C2orf76: variants seen among roughly 807,000 people sequenced by gnomAD.
C2orf76 encodes the protein chromosome 2 open reading frame 76.
A neutral mutation model predicts 16.9 loss-of-function variants in C2orf76; 23 were observed. The observed-to-expected ratio is 1.36, with a 90% confidence interval of 0.98 to 1.93. The LOEUF (loss-of-function observed/expected upper bound fraction) is 1.93. C2orf76 is among the 30% of genes most tolerant of loss of function. The pLI, the probability that C2orf76 is intolerant of heterozygous loss-of-function variation, is 0.00. For missense variants in C2orf76, 152 were observed against 152.6 expected (o/e 1.00, Z 0.02); for synonymous variants, 48 against 52.3 (o/e 0.92, Z 0.35).
chr2:119,357,936 C>G lies in C2orf76; in HGVS notation c.-13+8854G>C, dbSNP rs142109563. On this transcript the variant is annotated intron_variant, in intron 1 of 5. Coordinates refer to ENST00000334816, the MANE Select transcript of C2orf76 (RefSeq NM_001322331.2). ...AACCAACTATATTTCCAAATAGTAG[C>G]AATGAACACATGGAACACAATATAC... Among the ~76,000 whole-genome samples, 228 of 152,300 alleles carry G rather than the reference C, an allele frequency of 1.5e-3. 1 individual carries two copies. Among genetic ancestry groups the G allele is most frequent in the Middle Eastern group, 0.01 (3 of 294 alleles).
intron 3 of C2orf76, among the ~76,000 whole-genome samples, chr2:119,318,804 C>A (rs930757467): frequency 6.6e-5 from 10 of 152,130 alleles, no homozygotes; most frequent in Non-Finnish European, 1.3e-4. Flanking sequence ...GGATTACAGG[C>A]ATGATCCACT....
At chr2:119,353,333 C>T (rs893235856) in intron 1 of C2orf76, among the ~76,000 whole-genome samples, 4 of 152,146 alleles carry the variant, frequency 2.6e-5, no homozygotes, top group Middle Eastern at 3.4e-3. Context: ...ATATTAATTT[C>T]AGTTTAAGTT....
chr2:119,321,815 T>C (rs1679351910), intron 2 of C2orf76, among the ~76,000 whole-genome samples: 1 of 151,670 alleles, frequency 6.6e-6, no homozygotes, highest in Non-Finnish European at 1.5e-5. Context: ...ACAGTATCTA[T>C]GTATAGTTAA....
At position 119,331,833 on chromosome 2, in the gene C2orf76, C is replaced by T. The variant is rs1318635707; in HGVS notation, c.133+7994G>A. Among the ~76,000 whole-genome samples the T allele has an allele frequency of 2.6e-5, 4 of 152,280 alleles. No homozygotes were observed. In the East Asian group the frequency reaches 7.7e-4, roughly 29 times the overall value. On this transcript the variant is annotated intron_variant, in intron 2 of 5. Transcript: ENST00000334816. ...CTTGGCTGAAAGCAAAAGTTTATGACGTATCTATTATATTCTGAAAATTAT... is the reference window on the plus strand; with the variant it reads ...CTTGGCTGAAAGCAAAAGTTTATGATGTATCTATTATATTCTGAAAATTAT...
In C2orf76 at chr2:119,339,723, A is replaced by G. The variant is rs939058524; in HGVS notation, c.133+104T>C. Reference sequence around the variant, plus strand: ...CAGCACCTGGCTTGGAACCCAGGTTAATCTTTCAAAGTACTTTAGGATTTG... The same window carrying G: ...CAGCACCTGGCTTGGAACCCAGGTTGATCTTTCAAAGTACTTTAGGATTTG... On this transcript the variant is annotated intron_variant, in intron 2 of 5. Coordinates refer to ENST00000334816, the MANE Select transcript of C2orf76 (RefSeq NM_001322331.2). 12 of 1,286,720 alleles carry G rather than the reference A, an allele frequency of 9.3e-6. No individual in the cohort carries two copies. In the Admixed American group the frequency reaches 2.1e-4, roughly 22 times the overall value. The allele number at this position is 1,286,720 out of a possible 1,614,324, so 79.7% of individuals were successfully genotyped here. A position where few individuals can be genotyped will look rare whatever the true frequency, so the allele number is the denominator to read the frequency against.
intron 1 of C2orf76, among the ~76,000 whole-genome samples, chr2:119,359,472 A>T (rs1680675295): frequency 6.6e-6 from 1 of 152,208 alleles, no homozygotes; most frequent in Non-Finnish European, 1.5e-5. Flanking sequence ...ATATGGGCAA[A>T]ATAATACGAA....
At chr2:119,286,224 C>CGAA in the C2orf76 span, among the ~76,000 whole-genome samples, 1 of 60,342 alleles carries the variant, frequency 1.7e-5, no homozygotes, top group Admixed American at 2.1e-4. Flanking sequence ...GACTCCATCT[C>CGAA]AAAAAAAAAA....
At chr2:119,325,089 A>T (rs558174505) in intron 2 of C2orf76, among the ~76,000 whole-genome samples, 1 of 152,214 alleles carries the variant, frequency 6.6e-6, no homozygotes, top group African/African-American at 2.4e-5. Context: ...GAATCCCAGC[A>T]CTTTGGGAGT....
chr2:119,295,864 G>A, the C2orf76 span, among the ~76,000 whole-genome samples: 1 of 152,120 alleles, frequency 6.6e-6, no homozygotes, highest in Non-Finnish European at 1.5e-5. Flanking sequence ...ATGGAGGAGG[G>A]TCACTGCTCC....
chr2:119,366,181 T>C (rs377094674), intron 1 of C2orf76, among the ~76,000 whole-genome samples: 27 of 152,316 alleles, frequency 1.8e-4, no homozygotes, highest in African/African-American at 6.3e-4. Flanking sequence ...AGTTCCAAGA[T>C]TGCAGGGATT....
rs187871582 is a variant in C2orf76, at chr2:119,324,882, A to G, written c.134-3678T>C. Among the ~76,000 whole-genome samples, 3 of 152,244 alleles carry G rather than the reference A, an allele frequency of 2.0e-5. No homozygotes were observed. In the East Asian group the frequency reaches 5.8e-4, roughly 29 times the overall value. On this transcript the variant is annotated intron_variant, in intron 2 of 5. Coordinates refer to ENST00000334816, the MANE Select transcript of C2orf76 (RefSeq NM_001322331.2). ...GCAAAGGAACTGGAAAAAAACAAAC[A>G]TGTTCTTTATGCTAAAGGTCATTTT...
At chr2:119,336,030 A>C (rs557466848) in intron 2 of C2orf76, among the ~76,000 whole-genome samples, 1 of 152,330 alleles carries the variant, frequency 6.6e-6, no homozygotes, top group South Asian at 2.1e-4. Flanking sequence ...AGTATTCTGA[A>C]TCTAAAAAAT....
At chr2:119,320,393 G>A (rs1037296794) in intron 3 of C2orf76, among the ~76,000 whole-genome samples, 5 of 152,056 alleles carry the variant, frequency 3.3e-5, no homozygotes, top group Non-Finnish European at 5.9e-5. Flanking sequence ...TCAATATTGA[G>A]TATGTAAATT....
At chr2:119,314,980 C>T (rs779056562) in intron 4 of C2orf76, among the ~76,000 whole-genome samples, 33 of 152,048 alleles carry the variant, frequency 2.2e-4, no homozygotes, top group East Asian at 9.6e-4. Flanking sequence ...AGTTTAGATG[C>T]GTATTTTCAA....
chr2:119,354,233 G>T (rs186437757), intron 1 of C2orf76, among the ~76,000 whole-genome samples: 26 of 152,232 alleles, frequency 1.7e-4, no homozygotes, highest in Non-Finnish European at 3.5e-4. Flanking sequence ...TTAATGGCAG[G>T]GCACGGTAGC....
the C2orf76 span, among the ~76,000 whole-genome samples, chr2:119,287,509 T>C: frequency 1.9e-3 from 267 of 142,244 alleles, 3 homozygotes; most frequent in African/African-American, 7.0e-3. Context: ...AAAGCAGGGC[T>C]AATAACATGT....
intron 2 of C2orf76, among the ~76,000 whole-genome samples, chr2:119,326,364 A>T (rs987864911): frequency 3.3e-5 from 5 of 152,192 alleles, no homozygotes; most frequent in East Asian, 1.9e-4. Context: ...AGCAAAAATC[A>T]ATTTAACACA....
intron 2 of C2orf76, among the ~76,000 whole-genome samples, chr2:119,327,557 C>T (rs535340677): frequency 6.6e-6 from 1 of 151,756 alleles, no homozygotes; most frequent in East Asian, 1.9e-4. Flanking sequence ...TGGGTGCGTT[C>T]CTCCTCTATT....
At chr2:119,313,107 C>T (rs1157562626) in intron 4 of C2orf76, among the ~76,000 whole-genome samples, 2 of 151,404 alleles carry the variant, frequency 1.3e-5, no homozygotes, top group Non-Finnish European at 2.9e-5. Flanking sequence ...CACTACTTGT[C>T]AACCAGAACA....
Sources: gnomAD v4.1 joint callset for allele counts (sites outside exome capture counted in the v4.1 genomes callset) on GRCh38, gnomAD v4.1.1 for gene constraint, MANE v1.5 for transcripts, NCBI Gene and HGNC (gene_info 2026-07-23, HGNC 2026-07-21) for gene names.